The following TFEC variants were observed in gnomAD, a reference collection of about 807,000 sequenced individuals.
TFEC encodes class E basic helix-loop-helix protein 34.
TFEC carries 31 observed loss-of-function variants against 41.6 expected under a neutral mutation model. The observed-to-expected ratio is 0.74, with a 90% confidence interval of 0.56 to 1.01. The LOEUF is 1.01. Ranked by LOEUF, TFEC falls within the 50% of genes least tolerant of loss-of-function variation. TFEC has a pLI of 0.00. For synonymous variants in TFEC, 143 were observed against 140.6 expected (o/e 1.02, Z -0.12); for missense variants, 402 against 404.1 (o/e 0.99, Z 0.04).
intron 3 of TFEC, among the ~76,000 whole-genome samples, chr7:116,091,255 A>T (rs1584504160): frequency 6.6e-6 from 1 of 152,348 alleles, no homozygotes; most frequent in East Asian, 1.9e-4. Flanking sequence ...TGTATGAAGA[A>T]CATTGAATAA....
At chr7:115,998,860 AGAG>A (rs1794474182) in intron 1 of TFEC, among the ~76,000 whole-genome samples, 1 of 143,430 alleles carries the variant, frequency 7.0e-6, no homozygotes, top group Non-Finnish European at 1.6e-5. Context: ...AAAGAGAGAG[AGAG>A]CAACCCCAAT....
At chr7:116,076,242 G>C (rs1584486492) in intron 3 of TFEC, among the ~76,000 whole-genome samples, 1 of 152,242 alleles carries the variant, frequency 6.6e-6, no homozygotes, top group East Asian at 1.9e-4. Flanking sequence ...CACATCAAGG[G>C]AGCACACCAT....
intron 1 of TFEC, among the ~76,000 whole-genome samples, chr7:116,131,928 T>C (rs7780647): frequency 0.15 from 23,592 of 152,216 alleles, 1,978 homozygotes; most frequent in East Asian, 0.33. Context: ...GGTGCTTAAT[T>C]ATTGTTGCCA....
At chr7:116,092,468 G>A (rs1797351170) in intron 3 of TFEC, among the ~76,000 whole-genome samples, 1 of 151,986 alleles carries the variant, frequency 6.6e-6, no homozygotes, top group Non-Finnish European at 1.5e-5. Flanking sequence ...TGTTACCTGA[G>A]GCAAAATAAG....
At chr7:116,109,881 A>T (rs1211991605) in intron 3 of TFEC, among the ~76,000 whole-genome samples, 4 of 152,242 alleles carry the variant, frequency 2.6e-5, no homozygotes, top group Middle Eastern at 3.2e-3. Flanking sequence ...TCCACCATGG[A>T]ATACTATGCA....
rs138073557 is a variant in TFEC at position 115,988,894 on chromosome 7, T to C, written c.-72-4381A>G. Among the ~76,000 whole-genome samples the C allele has an allele frequency of 7.9e-5, 12 of 151,874 alleles. No individual in the cohort carries two copies. In the East Asian group the frequency reaches 1.7e-3, roughly 22 times the overall value. ...CACCCTACCCATACAGAAGCAAAGA[T>C]AAAAATTACATCTGACTCTTCCTTA... On this transcript the variant is annotated intron_variant, in intron 1 of 7. Transcript: ENST00000265440.
At chr7:116,091,927 A>T (rs111391559) in intron 3 of TFEC, among the ~76,000 whole-genome samples, 9 of 152,246 alleles carry the variant, frequency 5.9e-5, no homozygotes, top group African/African-American at 2.2e-4. Flanking sequence ...CATTAAACTA[A>T]AATGGCCAAA....
intron 3 of TFEC, among the ~76,000 whole-genome samples, chr7:115,968,517 A>AC (rs1218818560): frequency 1.3e-5 from 2 of 151,894 alleles, no homozygotes; most frequent in Non-Finnish European, 2.9e-5. Context: ...ATTTACAGAC[A>AC]CTTGATTGAA....
At chr7:116,112,052 A>C in intron 1 of TFEC, 3 of 979,142 alleles carry the variant, frequency 3.1e-6, no homozygotes, top group Non-Finnish European at 3.6e-6. Flanking sequence ...AAAAGAAAAA[A>C]AAAGAGAGAA....
At chr7:116,135,570 C>T (rs1485970338) in intron 1 of TFEC, among the ~76,000 whole-genome samples, 1 of 152,154 alleles carries the variant, frequency 6.6e-6, no homozygotes, top group Non-Finnish European at 1.5e-5. Flanking sequence ...TGATCATGCA[C>T]TGGTGAAAGC....
chr7:116,118,998 A>G (rs1479040430), intron 1 of TFEC, among the ~76,000 whole-genome samples: 1 of 151,968 alleles, frequency 6.6e-6, no homozygotes, highest in Admixed American at 6.6e-5. Context: ...AGCATAATTT[A>G]ATATTAGCAC....
intron 1 of TFEC, among the ~76,000 whole-genome samples, chr7:116,150,629 C>T (rs1036688327): frequency 2.6e-5 from 4 of 151,974 alleles, no homozygotes; most frequent in Admixed American, 6.6e-5. Context: ...CAGCAACAAC[C>T]CTGGCACCTA....
intron 6 of TFEC, among the ~76,000 whole-genome samples, chr7:115,943,563 T>C (rs1158815411): frequency 6.7e-6 from 1 of 149,762 alleles, no homozygotes; most frequent in East Asian, 2.1e-4. Context: ...ATAATTTTTT[T>C]AAGTTCCTCT....
intron 1 of TFEC, among the ~76,000 whole-genome samples, chr7:115,986,049 A>G (rs1391558876): frequency 1.3e-5 from 2 of 152,178 alleles, no homozygotes; most frequent in Admixed American, 1.3e-4. Flanking sequence ...TGCATTAACT[A>G]ATTCATTTTT....
At chr7:116,043,004 G>A (rs1796076719) in intron 3 of TFEC, among the ~76,000 whole-genome samples, 1 of 152,102 alleles carries the variant, frequency 6.6e-6, no homozygotes, top group South Asian at 2.1e-4. Context: ...CTTTGTACTC[G>A]TTAACTCAAA....
upstream of TFEC, among the ~76,000 whole-genome samples, chr7:116,031,409 AAT>A (rs1411809162): frequency 6.6e-6 from 1 of 152,106 alleles, no homozygotes; most frequent in East Asian, 1.9e-4. Context: ...AAGGGACATG[AAT>A]ATAGGATACT....
chr7:116,017,891 T>G (rs926073311), intron 1 of TFEC, among the ~76,000 whole-genome samples: 3 of 152,196 alleles, frequency 2.0e-5, no homozygotes, highest in Non-Finnish European at 4.4e-5. Flanking sequence ...ATTCATTTTT[T>G]TATGTATTAC....
intron 3 of TFEC, among the ~76,000 whole-genome samples, chr7:115,963,474 A>G (rs1041108930): frequency 6.6e-6 from 1 of 151,768 alleles, no homozygotes; most frequent in African/African-American, 2.4e-5. Flanking sequence ...ACTTAAACAG[A>G]TAATTGTACA....
intron 3 of TFEC, among the ~76,000 whole-genome samples, chr7:116,071,485 A>T (rs1254819168): frequency 6.6e-6 from 1 of 151,396 alleles, no homozygotes. Context: ...AAGGAATAAC[A>T]TGATTTTAAG....
Sources: gnomAD v4.1 joint callset for allele counts (sites outside exome capture counted in the v4.1 genomes callset) on GRCh38, gnomAD v4.1.1 for gene constraint, MANE v1.5 for transcripts, NCBI Gene and HGNC (gene_info 2026-07-23, HGNC 2026-07-21) for gene names.